CLSTN2: variants seen among roughly 807,000 people sequenced by gnomAD.
CLSTN2 encodes the protein calsyntenin-2.
CLSTN2 carries 48 observed loss-of-function variants against 101.2 expected under a neutral mutation model. The observed-to-expected ratio is 0.47, with a 90% CI of 0.38 to 0.60. The LOEUF (loss-of-function observed/expected upper bound fraction) is 0.60, where lower values mean the gene tolerates loss of function less well. CLSTN2 is among the 20% of genes least tolerant of loss of function. The probability of loss-of-function intolerance (pLI) is 0.00; values close to 1 mark genes in which losing one functional copy is unlikely to be tolerated. For missense variants in CLSTN2, 1,160 were observed against 1,238.2 expected, an observed-to-expected ratio of 0.94 and a Z score of 0.95; for synonymous variants, 481 against 463.6, an observed-to-expected ratio of 1.04 and a Z score of -0.48.
intron 2 of CLSTN2, among the ~76,000 whole-genome samples, chr3:140,367,284 G>A (rs2087801945): frequency 6.6e-6 from 1 of 152,058 alleles, no homozygotes; most frequent in Non-Finnish European, 1.5e-5. Flanking sequence ...GGAGGCCGAG[G>A]TGGGCAGATC....
At chr3:140,192,954 C>T (rs1431844137) in intron 2 of CLSTN2, among the ~76,000 whole-genome samples, 1 of 151,362 alleles carries the variant, frequency 6.6e-6, no homozygotes, top group African/African-American at 2.4e-5. Flanking sequence ...TTTTGTATGG[C>T]TTTTTTTAGT....
chr3:140,052,122 G>A (rs998874808), intron 1 of CLSTN2, among the ~76,000 whole-genome samples: 6 of 152,320 alleles, frequency 3.9e-5, no homozygotes, highest in Admixed American at 2.6e-4. Flanking sequence ...AGTCTGTGCA[G>A]TGGGCTCTTC....
chr3:140,420,640 A>G (rs1041819864), intron 4 of CLSTN2, among the ~76,000 whole-genome samples: 1 of 152,210 alleles, frequency 6.6e-6, no homozygotes, highest in African/African-American at 2.4e-5. Flanking sequence ...TTTACTTCCT[A>G]TTTGGTAGCA....
At chr3:140,238,422 A>G (rs1460027057) in intron 2 of CLSTN2, among the ~76,000 whole-genome samples, 3 of 554 alleles carry the variant, frequency 5.4e-3, no homozygotes, top group Admixed American at 0.1. Flanking sequence ...CAGAACAGAA[A>G]AAAAAAATCT....
chr3:140,462,406 T>C (rs1452882951), intron 7 of CLSTN2, among the ~76,000 whole-genome samples: 1 of 152,196 alleles, frequency 6.6e-6, no homozygotes, highest in Non-Finnish European at 1.5e-5. Context: ...AGTATTCTGG[T>C]ATATACCTTT....
At chr3:140,471,704 C>G (rs190899003) in intron 8 of CLSTN2, among the ~76,000 whole-genome samples, 26 of 152,248 alleles carry the variant, frequency 1.7e-4, no homozygotes, top group African/African-American at 6.3e-4. Context: ...CAATACCTGG[C>G]TGGGTGAATG....
intron 2 of CLSTN2, among the ~76,000 whole-genome samples, chr3:140,191,946 A>C (rs991969801): frequency 6.6e-6 from 1 of 151,460 alleles, no homozygotes; most frequent in Admixed American, 6.6e-5. Flanking sequence ...TTGATTATTG[A>C]TTTGAGATGT....
At chr3:140,226,302 T>C (rs1414806829) in intron 2 of CLSTN2, among the ~76,000 whole-genome samples, 1 of 152,228 alleles carries the variant, frequency 6.6e-6, no homozygotes, top group African/African-American at 2.4e-5. Context: ...GCATCTTGAC[T>C]GTATCAATGT....
intron 1 of CLSTN2, among the ~76,000 whole-genome samples, chr3:139,973,012 T>C (rs1935742332): frequency 1.3e-5 from 2 of 152,252 alleles, no homozygotes; most frequent in Non-Finnish European, 2.9e-5. Flanking sequence ...GTTTCATTTA[T>C]GGATGAAATG....
chr3:140,146,979 C>T (rs2107811951), intron 1 of CLSTN2, among the ~76,000 whole-genome samples: 1 of 152,338 alleles, frequency 6.6e-6, no homozygotes, highest in Non-Finnish European at 1.5e-5. Context: ...ATACAACCAG[C>T]TGGCACCATG....
chr3:140,123,296 C>T lies in CLSTN2; in HGVS notation c.110-52655C>T, dbSNP rs1204517313. ...ATCTCATTCATGAAGGCAGAGCCCT[C>T]ATGGCCTAATCACTTCCTGAAGGGC... On this transcript the variant is annotated intron_variant, in intron 1 of 16. Transcript: ENST00000458420. Among the ~76,000 whole-genome samples, 5 of 152,028 alleles carry T rather than the reference C, an allele frequency of 3.3e-5. No homozygotes were observed. The South Asian group carries it at 6.2e-4, about 19-fold the overall frequency.
chr3:140,443,219 C>T (rs1013787461), intron 5 of CLSTN2, among the ~76,000 whole-genome samples: 22 of 152,204 alleles, frequency 1.4e-4, no homozygotes, highest in Non-Finnish European at 2.5e-4. Context: ...GGCTCCTGTG[C>T]GTGCACATTT....
intron 2 of CLSTN2, among the ~76,000 whole-genome samples, chr3:140,205,119 A>G (rs997307085): frequency 6.6e-6 from 1 of 152,206 alleles, no homozygotes; most frequent in African/African-American, 2.4e-5. Flanking sequence ...CTATTATTTG[A>G]ATCTTCACGT....
chr3:140,459,815 G>T, intron 7 of CLSTN2, 46 bp downstream of exon 7: 1 of 1,605,634 alleles, frequency 6.2e-7, no homozygotes, highest in Non-Finnish European at 8.5e-7. Context: ...CCCAGCAGCT[G>T]CCCATTTTGT....
intron 2 of CLSTN2, among the ~76,000 whole-genome samples, chr3:140,392,145 C>A (rs922597381): frequency 8.0e-5 from 12 of 150,820 alleles, no homozygotes; most frequent in African/African-American, 2.7e-4. Context: ...TTAGGTAGAG[C>A]AGCAGTATCC....
intron 2 of CLSTN2, among the ~76,000 whole-genome samples, chr3:140,316,008 C>T (rs888693833): frequency 6.6e-6 from 1 of 151,856 alleles, no homozygotes; most frequent in African/African-American, 2.4e-5. Context: ...GTGCATTTAC[C>T]CTTGTTCTAA....
intron 8 of CLSTN2, among the ~76,000 whole-genome samples, chr3:140,480,896 T>C (rs1934102477): frequency 6.6e-6 from 1 of 152,204 alleles, no homozygotes; most frequent in South Asian, 2.1e-4. Context: ...TTCTGTAGGT[T>C]GCCTGTTCAC....
At chr3:140,550,202 C>A (rs552709233) in intron 10 of CLSTN2, among the ~76,000 whole-genome samples, 4 of 151,598 alleles carry the variant, frequency 2.6e-5, no homozygotes, top group African/African-American at 7.3e-5. Context: ...TAGGTGTTTA[C>A]GTTTTTTTCT....
intron 2 of CLSTN2, among the ~76,000 whole-genome samples, chr3:140,330,323 T>C (rs1187080831): frequency 6.6e-6 from 1 of 152,246 alleles, no homozygotes; most frequent in African/African-American, 2.4e-5. Context: ...TCAGCTCACA[T>C]TCAGGTGCTG....
Sources: gnomAD v4.1 joint callset for allele counts (sites outside exome capture counted in the v4.1 genomes callset) on GRCh38, gnomAD v4.1.1 for gene constraint, MANE v1.5 for transcripts, NCBI Gene and HGNC (gene_info 2026-07-23, HGNC 2026-07-21) for gene names.